Variants in PCSK6 observed in about 807,000 individuals in gnomAD.
PCSK6 encodes paired basic amino acid cleaving enzyme 4.
A neutral mutation model predicts 123.3 loss-of-function variants in PCSK6; 85 were observed. That is an observed-to-expected ratio of 0.69 (90% confidence interval 0.58 to 0.83). The LOEUF is 0.83. Among genes scored for constraint, PCSK6 ranks in the 40% least tolerant of loss-of-function variants. PCSK6 has a pLI of 0.00. For missense variants in PCSK6, 1,191 were observed against 1,282.3 expected (o/e 0.93, Z 1.09); for synonymous variants, 508 against 516.0 (o/e 0.98, Z 0.21).
chr15:101,399,296 C>G (rs891535846), intron 6 of PCSK6, among the ~76,000 whole-genome samples: 5 of 152,194 alleles, frequency 3.3e-5, no homozygotes, highest in African/African-American at 1.2e-4. Flanking sequence ...TAATTCCACT[C>G]CGACGTATAA....
At chr15:101,380,344 C>T (rs943753524) in intron 11 of PCSK6, among the ~76,000 whole-genome samples, 2 of 152,212 alleles carry the variant, frequency 1.3e-5, no homozygotes, top group African/African-American at 4.8e-5. Context: ...GGGACACGAG[C>T]GGAGGCGCCG....
At chr15:101,434,102 A>G (rs1479101732) in intron 2 of PCSK6, among the ~76,000 whole-genome samples, 1 of 152,252 alleles carries the variant, frequency 6.6e-6, no homozygotes, top group Non-Finnish European at 1.5e-5. Flanking sequence ...ACACCGGCTG[A>G]TGGCATTTTG....
intron 13 of PCSK6, among the ~76,000 whole-genome samples, chr15:101,343,906 G>A (rs1180234676): frequency 3.3e-5 from 5 of 152,182 alleles, no homozygotes; most frequent in Middle Eastern, 3.4e-3. Flanking sequence ...TGGCCAACAC[G>A]GTGAAACCCT....
intron 1 of PCSK6, among the ~76,000 whole-genome samples, chr15:101,477,967 T>C (rs1425327157): frequency 6.6e-6 from 1 of 152,224 alleles, no homozygotes; most frequent in East Asian, 1.9e-4. Flanking sequence ...GATCCCATAG[T>C]ACAGGAGGAC....
chr15:101,331,561 G>A (rs2040370965), intron 15 of PCSK6, 90 bp downstream of exon 15: 1 of 1,243,226 alleles, frequency 8.0e-7, no homozygotes, highest in African/African-American at 1.5e-5. Context: ...AACTTACCAG[G>A]GGGCAAGACC....
rs59420008 is a variant in PCSK6, at chr15:101,360,539, G to A, written c.1858+5657C>T. Among the ~76,000 whole-genome samples the A allele has an allele frequency of 2.2e-3, 236 of 106,428 alleles. 2 individuals carry two copies. Among genetic ancestry groups the A allele is most frequent in the African/African-American group, 7.8e-3 (188 of 24,124 alleles). The allele number at this position is 106,428 out of a possible 152,430, so 69.8% of individuals were successfully genotyped here. ...GAACACACCAGACACACTCCTGCCC[G>A]GGGGCCTTAGCATCCCCTGGAACAC... On this transcript the variant is annotated intron_variant, in intron 13 of 21. Coordinates refer to ENST00000611716, the MANE Select transcript of PCSK6 (RefSeq NM_002570.5).
intron 6 of PCSK6, among the ~76,000 whole-genome samples, chr15:101,427,573 T>C (rs2056300548): frequency 6.6e-6 from 1 of 152,196 alleles, no homozygotes; most frequent in South Asian, 2.1e-4. Flanking sequence ...CTGAGGGCTA[T>C]GGGCAGCGGG....
Position 101,465,182 on chromosome 15 carries a change from G to A in PCSK6, c.298-21522C>T, listed in dbSNP as rs558570607. On this transcript the variant is annotated intron_variant, in intron 1 of 21. Transcript: ENST00000611716. ...GCGAGGGGCAATCAGCGTGTGTGGT[G>A]AGCCTGTCCTCAGCCTGTCCTCACA... 2.3e-3 allele frequency among the ~76,000 whole-genome samples: 346 copies of A among 152,316 alleles called. 1 individual carries two copies. Among genetic ancestry groups the A allele is most frequent in the African/African-American group, 7.7e-3 (320 of 41,568 alleles).
At chr15:101,366,366 T>G in intron 12 of PCSK6, 34 bp from the exon 13 acceptor site, 2 of 1,596,552 alleles carry the variant, frequency 1.3e-6, no homozygotes, top group Non-Finnish European at 1.7e-6. Context: ...GAAATGAAGG[T>G]GCTGGTACTG....
At chr15:101,317,096 G>C (rs1047443864) in intron 19 of PCSK6, among the ~76,000 whole-genome samples, 8 of 151,998 alleles carry the variant, frequency 5.3e-5, no homozygotes, top group African/African-American at 1.9e-4. Flanking sequence ...ATTTTTAGTA[G>C]AGATGGGGTT....
intron 2 of PCSK6, among the ~76,000 whole-genome samples, chr15:101,437,785 C>T (rs1380757490): frequency 1.3e-5 from 2 of 152,166 alleles, no homozygotes; most frequent in African/African-American, 4.8e-5. Context: ...CCGCCACCCA[C>T]CTCCACTCAC....
intron 1 of PCSK6, among the ~76,000 whole-genome samples, chr15:101,456,573 C>T (rs372788227): frequency 6.6e-5 from 10 of 152,164 alleles, no homozygotes; most frequent in African/African-American, 2.4e-4. Flanking sequence ...CTGACAGGAG[C>T]GAGCATGACA....
At chr15:101,424,626 C>T (rs1219176674) in intron 6 of PCSK6, among the ~76,000 whole-genome samples, 1 of 114,086 alleles carries the variant, frequency 8.8e-6, no homozygotes, top group Non-Finnish European at 1.9e-5. Context: ...GGTACACAGG[C>T]AGGTAAATGT....
chr15:101,415,272 G>C (rs1052093682), intron 6 of PCSK6, among the ~76,000 whole-genome samples: 1 of 152,238 alleles, frequency 6.6e-6, no homozygotes, highest in Non-Finnish European at 1.5e-5. Context: ...ATGCCTAAAG[G>C]TATCAGGCAG....
chr15:101,327,314 AG>A (rs1283629498), intron 15 of PCSK6, among the ~76,000 whole-genome samples: 4 of 152,134 alleles, frequency 2.6e-5, no homozygotes, highest in Non-Finnish European at 5.9e-5. Context: ...GGTCCTTCCC[AG>A]GTATCCCAGA....
chr15:101,314,795 G>A (rs2141341968), intron 19 of PCSK6, among the ~76,000 whole-genome samples: 1 of 152,336 alleles, frequency 6.6e-6, no homozygotes, highest in African/African-American at 2.4e-5. Context: ...CTTCATGGCA[G>A]GTGTCTCCCT....
At chr15:101,323,641 G>C (rs2040183192) in intron 17 of PCSK6, among the ~76,000 whole-genome samples, 2 of 150,512 alleles carry the variant, frequency 1.3e-5, no homozygotes, top group African/African-American at 4.9e-5. Flanking sequence ...GCTGTGGTAG[G>C]AGAATTCCTT....
chr15:101,459,303 G>A (rs1370940837), intron 1 of PCSK6, among the ~76,000 whole-genome samples: 1 of 152,124 alleles, frequency 6.6e-6, no homozygotes, highest in East Asian at 1.9e-4. Flanking sequence ...AGCTGTAAGT[G>A]TCCAGGCTCT....
intron 13 of PCSK6, among the ~76,000 whole-genome samples, chr15:101,363,762 T>G (rs1221469298): frequency 1.3e-5 from 2 of 151,734 alleles, no homozygotes; most frequent in Admixed American, 6.6e-5. Flanking sequence ...CCCTAAGAGC[T>G]GGGACTACAG....
Sources: allele counts gnomAD v4.1 joint callset (sites outside exome capture counted in the v4.1 genomes callset), GRCh38; gene constraint gnomAD v4.1.1; transcripts MANE v1.5; gene names NCBI Gene and HGNC (gene_info 2026-07-23, HGNC 2026-07-21).